GLIS1: variants seen among roughly 807,000 people sequenced by gnomAD.
GLIS1 encodes GLIS family zinc finger 1, also known as zinc finger protein GLIS1.
In GLIS1, 24 loss-of-function variants were observed where a neutral mutation model predicts 63.8. The observed-to-expected ratio is 0.38, with a 90% CI of 0.27 to 0.53. The LOEUF (loss-of-function observed/expected upper bound fraction) is 0.53. Among genes scored for constraint, GLIS1 ranks in the 20% least tolerant of loss-of-function variants. The pLI is 0.85. For missense variants in GLIS1, 1,036 were observed against 1,074.1 expected (o/e 0.96, Z 0.50); for synonymous variants, 450 against 482.5 (o/e 0.93, Z 0.88).
intron 2 of GLIS1, among the ~76,000 whole-genome samples, chr1:53,601,460 A>G (rs907787536): frequency 6.6e-6 from 1 of 152,186 alleles, no homozygotes; most frequent in Non-Finnish European, 1.5e-5. Context: ...GACGTGAAAA[A>G]AACCTGGTCC....
intron 4 of GLIS1, among the ~76,000 whole-genome samples, chr1:53,558,711 T>C (rs567693): frequency 0.016 from 2,509 of 152,306 alleles, 74 homozygotes; most frequent in African/African-American, 0.055. Context: ...GAGGAGCTTT[T>C]AGCAAAAGCT....
At chr1:53,542,747 G>A (rs541622909) in intron 4 of GLIS1, among the ~76,000 whole-genome samples, 21 of 152,320 alleles carry the variant, frequency 1.4e-4, no homozygotes, top group Admixed American at 4.6e-4. Flanking sequence ...CTACGCCCTG[G>A]GGGTGCTGAC....
chr1:53,550,912 G>A (rs192787593), intron 4 of GLIS1, among the ~76,000 whole-genome samples: 9 of 152,116 alleles, frequency 5.9e-5, no homozygotes, highest in East Asian at 1.9e-4. Flanking sequence ...GTGCAATGGC[G>A]CGATCTCGGC....
chr1:53,595,087 G>T, intron 3 of GLIS1, 97 bp from the exon 4 acceptor site: 1 of 1,139,996 alleles, frequency 8.8e-7, no homozygotes, highest in South Asian at 2.2e-5. Context: ...ATCAAGGGAT[G>T]GACAAGCCCA....
intron 2 of GLIS1, chr1:53,733,883 T>C: frequency 1.0e-6 from 1 of 982,924 alleles, no homozygotes; most frequent in Non-Finnish European, 1.2e-6. Context: ...AGGGGAGAAA[T>C]GCTTTAAAAG....
chr1:53,681,623 A>G (rs796594063), intron 2 of GLIS1, among the ~76,000 whole-genome samples: 13 of 152,370 alleles, frequency 8.5e-5, no homozygotes, highest in African/African-American at 3.1e-4. Context: ...CAGCTTCCAC[A>G]GCTCCAGGAT....
chr1:53,533,583 T>C (rs896885073), intron 4 of GLIS1, among the ~76,000 whole-genome samples: 2 of 152,148 alleles, frequency 1.3e-5, no homozygotes, highest in African/African-American at 4.8e-5. Flanking sequence ...GGCCCGTCCC[T>C]CCAGGTGGAA....
chr1:53,707,546 A>G (rs985914942), intron 2 of GLIS1, among the ~76,000 whole-genome samples: 14 of 152,224 alleles, frequency 9.2e-5, no homozygotes, highest in African/African-American at 3.4e-4. Flanking sequence ...GCTACTCGGG[A>G]GACTGAGGCA....
At chr1:53,538,337 G>A (rs1406766748) in intron 4 of GLIS1, among the ~76,000 whole-genome samples, 2 of 152,222 alleles carry the variant, frequency 1.3e-5, no homozygotes, top group Admixed American at 6.5e-5. Flanking sequence ...TGCGGGGACT[G>A]AGCAGAACAG....
chr1:53,539,081 C>T lies in GLIS1; in HGVS notation c.1321-9129G>A, dbSNP rs889081217. On this transcript the variant is annotated intron_variant, in intron 4 of 10. Coordinates refer to ENST00000628545, the MANE Select transcript of GLIS1 (RefSeq NM_001367484.1). This position sits in a 1 kb window ranked among gnomAD's most constrained non-coding sequence, Gnocchi z 5.0. ...GAGGCTCTGCCAGGGGCCAGGGCTC[C>T]GCAGAGAGCACACAGCATAGAATGG... 2.6e-5 allele frequency among the ~76,000 whole-genome samples: 4 copies of T among 151,936 alleles called. No individual in the cohort carries two copies. The highest frequency in any genetic ancestry group is 2.4e-5 in the African/African-American group (1 of 41,290).
At chr1:53,514,507 T>G (rs1644329388) in intron 8 of GLIS1, 118 bp downstream of exon 8, 1 of 1,000,776 alleles carries the variant, frequency 1.0e-6, no homozygotes, top group Non-Finnish European at 1.5e-6. Flanking sequence ...TCCCTGAAGG[T>G]TGGCTATTTT....
At chr1:53,553,117 G>A (rs942287559) in intron 4 of GLIS1, among the ~76,000 whole-genome samples, 16 of 152,134 alleles carry the variant, frequency 1.1e-4, no homozygotes, top group South Asian at 2.1e-4. Flanking sequence ...AGAATGGCTC[G>A]TCCGGAAGAT....
chr1:53,685,343 C>T (rs1455460409), intron 2 of GLIS1, among the ~76,000 whole-genome samples: 2 of 152,212 alleles, frequency 1.3e-5, no homozygotes, highest in Non-Finnish European at 2.9e-5. Flanking sequence ...CGCGGAGGAC[C>T]GCGTCCCCAG....
intron 7 of GLIS1, among the ~76,000 whole-genome samples, chr1:53,519,899 C>T (rs929275653): frequency 1.3e-5 from 2 of 152,210 alleles, no homozygotes; most frequent in African/African-American, 4.8e-5. Flanking sequence ...TTCCTCCCTG[C>T]GGATGATCCT....
intron 2 of GLIS1, among the ~76,000 whole-genome samples, chr1:53,702,824 T>C (rs183894734): frequency 6.6e-6 from 1 of 152,320 alleles, no homozygotes; most frequent in East Asian, 1.9e-4. Flanking sequence ...CACCCACCCA[T>C]AGGCCTCAGG....
At chr1:53,634,481 C>T (rs541018030) in intron 2 of GLIS1, among the ~76,000 whole-genome samples, 10 of 152,194 alleles carry the variant, frequency 6.6e-5, no homozygotes, top group South Asian at 2.1e-4. Context: ...CGTTTCCAGG[C>T]GTGTAGAACG....
At chr1:53,544,546 C>A (rs1644678945) in intron 4 of GLIS1, among the ~76,000 whole-genome samples, 1 of 152,224 alleles carries the variant, frequency 6.6e-6, no homozygotes, top group African/African-American at 2.4e-5. Flanking sequence ...ACTCCCAAAC[C>A]CTATGGGTGG....
intron 2 of GLIS1, among the ~76,000 whole-genome samples, chr1:53,618,149 C>T (rs1303138417): frequency 6.6e-6 from 1 of 152,210 alleles, no homozygotes; most frequent in Non-Finnish European, 1.5e-5. Context: ...CCCCACTGGC[C>T]GATCAGCAGA....
chr1:53,581,505 A>G (rs1645084291), intron 4 of GLIS1, among the ~76,000 whole-genome samples: 1 of 152,216 alleles, frequency 6.6e-6, no homozygotes, highest in African/African-American at 2.4e-5. Context: ...TTGGAGATAC[A>G]GAGGGAACAA....
Sources: allele counts gnomAD v4.1 joint callset (sites outside exome capture counted in the v4.1 genomes callset), GRCh38; gene constraint gnomAD v4.1.1; non-coding constraint Gnocchi (gnomAD v3.1); transcripts MANE v1.5; gene names NCBI Gene and HGNC (gene_info 2026-07-23, HGNC 2026-07-21).